The following DENND2C variants were observed in gnomAD, a reference collection of about 807,000 sequenced individuals.
DENND2C encodes the protein DENN domain-containing protein 2C.
In DENND2C, 72 loss-of-function variants were observed where a neutral mutation model predicts 112.4. The observed-to-expected ratio is 0.64, with a 90% CI of 0.53 to 0.78. DENND2C has a LOEUF of 0.78. Ranked by LOEUF, DENND2C falls within the 30% of genes least tolerant of loss-of-function variation. DENND2C has a pLI of 0.00. For synonymous variants in DENND2C, 329 were observed against 381.6 expected, an observed-to-expected ratio of 0.86 and a Z score of 1.61; for missense variants, 992 against 1,113.8, an observed-to-expected ratio of 0.89 and a Z score of 1.56.
At chr1:114,590,703 C>CG (rs1199675024) in intron 18 of DENND2C, among the ~76,000 whole-genome samples, 2 of 141,052 alleles carry the variant, frequency 1.4e-5, no homozygotes, top group African/African-American at 2.6e-5. Context: ...GTGTGAACCC[C>CG]GGAGGGTGGA....
At chr1:114,667,751 G>A (rs1372352494) in intron 1 of DENND2C, among the ~76,000 whole-genome samples, 5 of 152,030 alleles carry the variant, frequency 3.3e-5, no homozygotes. Flanking sequence ...TTGAAACTCA[G>A]TATAGCGCAA....
intron 17 of DENND2C, among the ~76,000 whole-genome samples, 188 bp from the exon 18 acceptor site, chr1:114,594,766 TA>T (rs577627692): frequency 6.6e-6 from 1 of 152,152 alleles, no homozygotes; most frequent in Non-Finnish European, 1.5e-5. Flanking sequence ...TTAACTATAT[TA>T]AAAAAATATA....
chr1:114,603,462 C>T (rs1230662267), intron 11 of DENND2C, among the ~76,000 whole-genome samples: 2 of 151,028 alleles, frequency 1.3e-5, no homozygotes, highest in African/African-American at 4.9e-5. Context: ...GAGACTGGGT[C>T]TCACTGAACA....
intron 2 of DENND2C, among the ~76,000 whole-genome samples, chr1:114,650,937 C>T (rs1022228623): frequency 6.6e-6 from 1 of 151,684 alleles, no homozygotes; most frequent in Admixed American, 6.6e-5. Flanking sequence ...CTTCACAGTG[C>T]CATTTAAAAC....
chr1:114,664,864 G>A (rs972334029), intron 1 of DENND2C, among the ~76,000 whole-genome samples: 14 of 151,356 alleles, frequency 9.2e-5, no homozygotes, highest in Admixed American at 2.6e-4. Flanking sequence ...AGGCCAAGGC[G>A]GGTGGATCAC....
chr1:114,661,610 T>C (rs1657493418), intron 1 of DENND2C, among the ~76,000 whole-genome samples: 1 of 152,248 alleles, frequency 6.6e-6, no homozygotes, highest in African/African-American at 2.4e-5. Flanking sequence ...TATGAAGACA[T>C]GGGTCTGTCA....
chr1:114,654,882 G>A (rs1032007614), intron 1 of DENND2C, 121 bp from the exon 2 acceptor site: 1 of 151,802 alleles, frequency 6.6e-6, no homozygotes, highest in Admixed American at 6.6e-5. Flanking sequence ...TCACTTCATA[G>A]TTCACACACG....
At position 114,608,596 on chromosome 1, in the gene DENND2C, T is replaced by G. The variant is rs183789689; in HGVS notation, c.1557+90A>C. 1.5e-4 allele frequency: 217 copies of G among 1,416,484 alleles called. No homozygotes were observed. In the African/African-American group the frequency reaches 2.7e-3, roughly 17 times the overall value. The allele number at this position is 1,416,484 out of a possible 1,614,324, so 87.7% of individuals were successfully genotyped here. On this transcript the variant is annotated intron_variant, in intron 10 of 20. Coordinates refer to ENST00000393274, the MANE Select transcript of DENND2C (RefSeq NM_001256404.2). ...CAAGAACAGTATTGGTAAAAACTTG[T>G]TGAGATAACAAAAACCAAGAGGACA...
intron 18 of DENND2C, among the ~76,000 whole-genome samples, chr1:114,591,973 C>T (rs1397371972): frequency 6.6e-6 from 1 of 151,952 alleles, no homozygotes; most frequent in Non-Finnish European, 1.5e-5. Context: ...CAACCTCCAC[C>T]TCCCGGGTTC....
rs115732122 is a variant in DENND2C, at chr1:114,635,449, C to G, written c.-204-9261G>C. Among the ~76,000 whole-genome samples, 272 of 152,252 alleles carry G rather than the reference C, an allele frequency of 1.8e-3. 1 individual carries two copies. The highest frequency in any genetic ancestry group is 3.0e-3 in the Non-Finnish European group (203 of 68,014). On this transcript the variant is annotated intron_variant, in intron 3 of 20. Coordinates refer to ENST00000393274, the MANE Select transcript of DENND2C (RefSeq NM_001256404.2). ...TAGGCAAAGCGAACAAAAAAAGAGT[C>G]TCAGGCTGCAGTGGGCTATGATTGC...
intron 1 of DENND2C, among the ~76,000 whole-genome samples, chr1:114,655,576 C>T (rs764443180): frequency 5.3e-5 from 8 of 150,916 alleles, no homozygotes; most frequent in Admixed American, 2.0e-4. Flanking sequence ...TTCCATCTCC[C>T]GGGTTCAAGT....
At chr1:114,662,011 GATTAA>G (rs61308277) in intron 1 of DENND2C, among the ~76,000 whole-genome samples, 34,968 of 151,804 alleles carry the variant, frequency 0.23, 4,366 homozygotes, top group Non-Finnish European at 0.28. Context: ...TTACACTCAT[GATTAA>G]ATTGACCATC....
At chr1:114,669,628 C>T (rs140306845) in intron 1 of DENND2C, among the ~76,000 whole-genome samples, 190 of 152,252 alleles carry the variant, frequency 1.2e-3, no homozygotes, top group Non-Finnish European at 2.1e-3. Context: ...CCGCGTTTCC[C>T]CAGGCTGCCG....
At chr1:114,623,416 G>T in intron 5 of DENND2C, 91 bp downstream of exon 5, 2 of 1,289,274 alleles carry the variant, frequency 1.6e-6, no homozygotes, top group Non-Finnish European at 2.2e-6. Context: ...AGCAATATAT[G>T]CTTGATTATA....
Position 114,654,571 on chromosome 1 carries a change from A to T in DENND2C, c.-383T>A, listed in dbSNP as rs1017960888. 3.3e-5 allele frequency: 5 copies of T among 152,246 alleles called. No homozygotes were observed. Among genetic ancestry groups the T allele is most frequent in the Admixed American group, 2.0e-4 (3 of 15,284 alleles). The allele number at this position is 152,246 out of a possible 1,614,324, so 9.4% of individuals were successfully genotyped here. A position where few individuals can be genotyped will look rare whatever the true frequency, so the allele number is the denominator to read the frequency against. ...TACAGAGTATTGTGAGAATTAAAAC[A>T]GCAAGAACAGTGATTACACTTCATT... On this transcript the variant is annotated 5_prime_UTR_variant, in exon 2 of 21. Coordinates refer to ENST00000393274, the MANE Select transcript of DENND2C (RefSeq NM_001256404.2).
rs12564817 is a variant in DENND2C, at chr1:114,669,592, G to A, written c.-574+391C>T. 1.5e-3 allele frequency among the ~76,000 whole-genome samples: 234 copies of A among 152,304 alleles called. 3 individuals are homozygous for A. The highest frequency in any genetic ancestry group is 0.013 in the East Asian group (65 of 5,170). ...ATCGTCCCAGCATGTCGAAGTTCAA[G>A]CTCACTGGCTAATTTTGGAGAAAGC... On this transcript the variant is annotated intron_variant, in intron 1 of 20. Coordinates refer to ENST00000393274, the MANE Select transcript of DENND2C (RefSeq NM_001256404.2).
chr1:114,634,739 G>A (rs553096756), intron 3 of DENND2C, among the ~76,000 whole-genome samples: 1 of 152,180 alleles, frequency 6.6e-6, no homozygotes, highest in Non-Finnish European at 1.5e-5. Flanking sequence ...ATTTGAAACT[G>A]GAACACGGCC....
At chr1:114,647,325 A>G (rs1657021076) in intron 2 of DENND2C, among the ~76,000 whole-genome samples, 1 of 151,902 alleles carries the variant, frequency 6.6e-6, no homozygotes, top group South Asian at 2.1e-4. Context: ...TAACTGATCA[A>G]TTCCAATTGT....
chr1:114,590,773 C>T (rs34809814), intron 18 of DENND2C, among the ~76,000 whole-genome samples: 34,536 of 110,574 alleles, frequency 0.31, 4,785 homozygotes, highest in Middle Eastern at 0.35. Context: ...AGCGAGACTC[C>T]GTCTCAAAAA....
Sources: allele counts gnomAD v4.1 joint callset (sites outside exome capture counted in the v4.1 genomes callset), GRCh38; gene constraint gnomAD v4.1.1; transcripts MANE v1.5; gene names NCBI Gene and HGNC (gene_info 2026-07-23, HGNC 2026-07-21).